The following DIP2B variants were observed in gnomAD, a reference collection of about 807,000 sequenced individuals.
DIP2B encodes disco-interacting protein 2 homolog B.
Under a neutral mutation model 198.0 loss-of-function variants are expected in DIP2B, and 76 were observed. The ratio of observed to expected loss-of-function variants is 0.38; its 90% CI spans 0.32 to 0.46. The LOEUF is 0.46. DIP2B is among the 20% of genes least tolerant of loss of function. DIP2B has a pLI of 0.99. For missense variants in DIP2B, 1,559 were observed against 1,978.4 expected, an observed-to-expected ratio of 0.79 and a Z score of 4.02; for synonymous variants, 701 against 739.1, an observed-to-expected ratio of 0.95 and a Z score of 0.84.
Position 50,683,261 on chromosome 12 carries a change from A to T in DIP2B, c.1317+13A>T. 1 of 1,595,472 alleles carries T rather than the reference A, an allele frequency of 6.3e-7. No homozygotes were observed. Among genetic ancestry groups the T allele is most frequent in the African/African-American group, 1.3e-5 (1 of 74,442 alleles). On this transcript the variant is annotated intron_variant, in intron 10 of 37. Coordinates refer to ENST00000301180, the MANE Select transcript of DIP2B (RefSeq NM_173602.3). ...TCTTACCAGAAAGGTAACATTGCTAAATTTAAGAGGAATGTAGCCTGATGT... is the reference window on the plus strand; with the variant it reads ...TCTTACCAGAAAGGTAACATTGCTATATTTAAGAGGAATGTAGCCTGATGT...
chr12:50,700,213 C>G (rs768865200), intron 19 of DIP2B, among the ~76,000 whole-genome samples: 1 of 152,190 alleles, frequency 6.6e-6, no homozygotes, highest in Non-Finnish European at 1.5e-5. Context: ...GACTCGCACA[C>G]GGTTTTCCTG....
rs35975945 is a variant in DIP2B at position 50,564,121 on chromosome 12, C to CGTGT, written c.100+58895_100+58898dup. ...GTAAATATGTAGTGCTGGGTTCTTG[C>CGTGT]GTGTGTGTGTGTGTGTGATTTGTTA... On this transcript the variant is annotated intron_variant, in intron 1 of 37. Coordinates refer to ENST00000301180, the MANE Select transcript of DIP2B (RefSeq NM_173602.3). Among the ~76,000 whole-genome samples, 106 of 150,926 alleles carry CGTGT rather than the reference C, an allele frequency of 7.0e-4. 1 individual carries two copies. Among genetic ancestry groups the CGTGT allele is most frequent in the African/African-American group, 1.7e-3 (68 of 41,110 alleles).
chr12:50,536,786 C>T (rs750636153), intron 1 of DIP2B, among the ~76,000 whole-genome samples: 2 of 151,858 alleles, frequency 1.3e-5, no homozygotes, highest in Non-Finnish European at 2.9e-5. Context: ...CCAGGCTGGT[C>T]TCGAACTCCT....
intron 37 of DIP2B, among the ~76,000 whole-genome samples, chr12:50,742,882 C>T (rs1268825202): frequency 2.6e-5 from 4 of 151,244 alleles, no homozygotes; most frequent in Non-Finnish European, 2.9e-5. Flanking sequence ...GGCAACAGAG[C>T]GAAACTCTGT....
intron 1 of DIP2B, among the ~76,000 whole-genome samples, chr12:50,625,570 A>G (rs1375428770): frequency 6.6e-6 from 1 of 152,178 alleles, no homozygotes; most frequent in African/African-American, 2.4e-5. Flanking sequence ...TGTGGTTCGT[A>G]TAGCAGTATA....
At chr12:50,664,579 G>A (rs763638063) in intron 4 of DIP2B, among the ~76,000 whole-genome samples, 4 of 151,976 alleles carry the variant, frequency 2.6e-5, no homozygotes, top group Admixed American at 1.3e-4. Flanking sequence ...TCATTCATAC[G>A]GAAAAGCACA....
intron 1 of DIP2B, among the ~76,000 whole-genome samples, chr12:50,611,374 T>C (rs1157861017): frequency 6.6e-6 from 1 of 152,216 alleles, no homozygotes; most frequent in Non-Finnish European, 1.5e-5. Context: ...ATCATTTTTA[T>C]TCTTTTTGGT....
At chr12:50,663,007 G>C (rs1452888758) in intron 4 of DIP2B, among the ~76,000 whole-genome samples, 4 of 152,226 alleles carry the variant, frequency 2.6e-5, no homozygotes, top group African/African-American at 9.6e-5. Flanking sequence ...CACTCAGGAG[G>C]CTGAGGCAGG....
intron 1 of DIP2B, among the ~76,000 whole-genome samples, chr12:50,557,313 T>C (rs1958480233): frequency 6.6e-6 from 1 of 152,198 alleles, no homozygotes; most frequent in Non-Finnish European, 1.5e-5. Context: ...TTGCCTTCCA[T>C]AGATGGTCCA....
intron 1 of DIP2B, among the ~76,000 whole-genome samples, chr12:50,610,794 C>G (rs1262526409): frequency 6.7e-6 from 1 of 149,446 alleles, no homozygotes; most frequent in Non-Finnish European, 1.5e-5. Context: ...GCATGAGCCA[C>G]TGTGCCCAAC....
chr12:50,612,681 G>T (rs1039068528), intron 1 of DIP2B, among the ~76,000 whole-genome samples: 1 of 152,022 alleles, frequency 6.6e-6, no homozygotes. Context: ...TGCCCGCCTC[G>T]GCCCGCCAAA....
intron 4 of DIP2B, among the ~76,000 whole-genome samples, chr12:50,668,208 G>C (rs1326481837): frequency 6.6e-6 from 1 of 152,176 alleles, no homozygotes; most frequent in East Asian, 1.9e-4. Context: ...TTGGGTGCCT[G>C]CCTTGAACTC....
intron 1 of DIP2B, among the ~76,000 whole-genome samples, chr12:50,601,630 G>A (rs544907881): frequency 2.0e-5 from 3 of 151,970 alleles, no homozygotes; most frequent in African/African-American, 7.3e-5. Context: ...GAGCCACCGC[G>A]CCCGGCAGCT....
chr12:50,585,365 C>T (rs1439495768), intron 1 of DIP2B, among the ~76,000 whole-genome samples: 1 of 152,182 alleles, frequency 6.6e-6, no homozygotes, highest in Non-Finnish European at 1.5e-5. Context: ...CTGACTGTGA[C>T]CTGTGCCTTG....
intron 1 of DIP2B, among the ~76,000 whole-genome samples, chr12:50,586,370 A>C (rs964163816): frequency 1.3e-5 from 2 of 152,190 alleles, no homozygotes; most frequent in African/African-American, 4.8e-5. Context: ...GCCTGGACTC[A>C]AGTGGCAGTC....
chr12:50,527,112 C>T (rs960978855), intron 1 of DIP2B, among the ~76,000 whole-genome samples: 31 of 152,206 alleles, frequency 2.0e-4, no homozygotes, highest in Non-Finnish European at 3.8e-4. Context: ...GGTTTTTCAA[C>T]GTCTTTTCTT....
chr12:50,572,523 A>G (rs1958623534), intron 1 of DIP2B, among the ~76,000 whole-genome samples: 2 of 152,198 alleles, frequency 1.3e-5, no homozygotes, highest in Admixed American at 6.5e-5. Context: ...CCTTTGGCAA[A>G]AGGCTCCTGC....
chr12:50,520,463 A>AT (rs1958107487), intron 1 of DIP2B, among the ~76,000 whole-genome samples: 1 of 152,152 alleles, frequency 6.6e-6, no homozygotes, highest in South Asian at 2.1e-4. Flanking sequence ...GTCATTCATG[A>AT]TTTATTTGAC....
Position 50,527,277 on chromosome 12 carries a change from G to A in DIP2B, c.100+22037G>A, listed in dbSNP as rs554015516. 4.6e-5 allele frequency among the ~76,000 whole-genome samples: 7 copies of A among 152,248 alleles called. No homozygotes were observed. In the East Asian group the frequency reaches 1.4e-3, roughly 29 times the overall value. On this transcript the variant is annotated intron_variant, in intron 1 of 37. Transcript: ENST00000301180. ...TGGCCAACTACCAAGGACGTTCATG[G>A]GCTGTGCATAACATGTCCAACTGTA...
Sources: allele counts gnomAD v4.1 joint callset (sites outside exome capture counted in the v4.1 genomes callset), GRCh38; gene constraint gnomAD v4.1.1; transcripts MANE v1.5; gene names NCBI Gene and HGNC (gene_info 2026-07-23, HGNC 2026-07-21).